Variants in DPP10 observed in about 807,000 individuals in gnomAD.
The protein encoded by DPP10 is dipeptidyl peptidase like 10, also known as inactive dipeptidyl peptidase 10.
A neutral mutation model predicts 120.9 loss-of-function variants in DPP10; 33 were observed. That is an observed-to-expected ratio of 0.27 (90% CI 0.21 to 0.37). The LOEUF (loss-of-function observed/expected upper bound fraction) is 0.37. DPP10 is among the 10% of genes least tolerant of loss of function. The pLI is 1.00. For synonymous variants in DPP10, 337 were observed against 326.1 expected (o/e 1.03, Z -0.36); for missense variants, 816 against 942.8 (o/e 0.87, Z 1.76).
chr2:115,461,181 C>CA (rs2073963895), intron 3 of DPP10, among the ~76,000 whole-genome samples: 2 of 151,372 alleles, frequency 1.3e-5, no homozygotes, highest in African/African-American at 2.4e-5. Context: ...TCAAAATAGT[C>CA]AGTCTTAAAT....
At chr2:115,100,091 C>T (rs1348089283) in intron 1 of DPP10, among the ~76,000 whole-genome samples, 4 of 152,110 alleles carry the variant, frequency 2.6e-5, no homozygotes, top group South Asian at 2.1e-4. Flanking sequence ...ATACAATGAA[C>T]GTGCCACCAA....
At chr2:115,730,447 A>T (rs2092877384) in intron 8 of DPP10, among the ~76,000 whole-genome samples, 1 of 152,150 alleles carries the variant, frequency 6.6e-6, no homozygotes, top group Non-Finnish European at 1.5e-5. Flanking sequence ...ATTAGCAGCA[A>T]TGCGGGCATT....
chr2:115,403,502 C>A (rs75249190), intron 3 of DPP10, among the ~76,000 whole-genome samples: 13,523 of 149,650 alleles, frequency 0.09, 708 homozygotes, highest in Non-Finnish European at 0.11. Context: ...CAGGTTCCAG[C>A]GATTCTCCTG....
intron 17 of DPP10, 78 bp from the exon 18 acceptor site, chr2:115,791,003 A>T: frequency 1.0e-6 from 1 of 991,102 alleles, no homozygotes; most frequent in East Asian, 2.5e-5. Flanking sequence ...TAACAAGTGG[A>T]TAATTTTTTG....
intron 1 of DPP10, among the ~76,000 whole-genome samples, chr2:114,865,152 G>T (rs1400284814): frequency 6.6e-6 from 1 of 152,180 alleles, no homozygotes; most frequent in Non-Finnish European, 1.5e-5. Context: ...ATTATAAATT[G>T]TATTTTCATA....
At chr2:115,270,066 TCACACACACACACA>T (rs57649162) in intron 1 of DPP10, among the ~76,000 whole-genome samples, 5,088 of 130,708 alleles carry the variant, frequency 0.039, 182 homozygotes, top group East Asian at 0.19. Context: ...TAGGTATACT[TCACACACACACACA>T]CACACACACA....
intron 5 of DPP10, among the ~76,000 whole-genome samples, chr2:115,587,544 T>C (rs2082374097): frequency 6.6e-6 from 1 of 152,314 alleles, no homozygotes; most frequent in African/African-American, 2.4e-5. Context: ...CAAAATAAAA[T>C]CGGTATCTTG....
chr2:114,715,716 T>G (rs10211349), intron 1 of DPP10, among the ~76,000 whole-genome samples: 7 of 151,958 alleles, frequency 4.6e-5, no homozygotes, highest in Admixed American at 3.9e-4. Context: ...ACAAAAAAGC[T>G]GGGTACACAG....
chr2:115,446,606 C>T (rs2072614984), intron 3 of DPP10, among the ~76,000 whole-genome samples: 1 of 152,122 alleles, frequency 6.6e-6, no homozygotes. Flanking sequence ...CGGAATGTTT[C>T]TGTGTCTCTT....
chr2:115,707,954 AG>A (rs1219398010), intron 7 of DPP10, among the ~76,000 whole-genome samples: 8 of 151,972 alleles, frequency 5.3e-5, no homozygotes, highest in African/African-American at 1.9e-4. Context: ...AAAGCACATC[AG>A]GAACTTCCAA....
At chr2:115,407,129 G>A (rs766655005) in intron 3 of DPP10, among the ~76,000 whole-genome samples, 3 of 152,090 alleles carry the variant, frequency 2.0e-5, no homozygotes, top group Non-Finnish European at 4.4e-5. Context: ...AGGCTCCTTC[G>A]CCCTGGAAAC....
chr2:115,712,546 A>ATATATATATATATATATATATATATGTG (rs1559062149), intron 7 of DPP10, among the ~76,000 whole-genome samples: 1 of 83,846 alleles, frequency 1.2e-5, no homozygotes, highest in African/African-American at 5.9e-5. Flanking sequence ...TGAATTAAAT[A>ATATATATATATATATATATATATATGTG]TATATATATA....
At chr2:115,644,429 T>TG (rs1240431749) in intron 5 of DPP10, among the ~76,000 whole-genome samples, 1 of 152,078 alleles carries the variant, frequency 6.6e-6, no homozygotes, top group East Asian at 1.9e-4. Context: ...TTTTTGTCCT[T>TG]GCGATAGTTT....
intron 5 of DPP10, among the ~76,000 whole-genome samples, chr2:115,683,577 G>A (rs1236290945): frequency 6.6e-6 from 1 of 151,952 alleles, no homozygotes; most frequent in East Asian, 1.9e-4. Flanking sequence ...ATAGTGGAGA[G>A]GCTGTGTGTG....
chr2:115,556,965 C>G (rs1411339466), intron 5 of DPP10, among the ~76,000 whole-genome samples: 1 of 152,110 alleles, frequency 6.6e-6, no homozygotes, highest in Non-Finnish European at 1.5e-5. Flanking sequence ...AGTCACGGAA[C>G]AGTACAAAAC....
intron 1 of DPP10, among the ~76,000 whole-genome samples, chr2:114,952,382 T>C (rs1697860292): frequency 6.6e-6 from 1 of 152,196 alleles, no homozygotes; most frequent in African/African-American, 2.4e-5. Flanking sequence ...CATTCCTATA[T>C]TGTTTCTCTG....
chr2:114,761,235 T>TA lies in DPP10; in HGVS notation c.60+318405dup, dbSNP rs1226019100. On this transcript the variant is annotated intron_variant, in intron 1 of 25. Coordinates refer to ENST00000410059, the MANE Select transcript of DPP10 (RefSeq NM_020868.6). Reference sequence around the variant, plus strand: ...GCATTTAAATAGCAAGAAAAGCAAATAAAAAAAAGATGGCGTACTTTCAGT... The same window carrying TA: ...GCATTTAAATAGCAAGAAAAGCAAATAAAAAAAAAGATGGCGTACTTTCAGT... 6.6e-5 allele frequency among the ~76,000 whole-genome samples: 10 copies of TA among 151,930 alleles called. No homozygotes were observed. The South Asian group carries it at 1.9e-3, about 28-fold the overall frequency.
intron 3 of DPP10, among the ~76,000 whole-genome samples, chr2:115,383,316 T>G (rs2066568009): frequency 6.6e-6 from 1 of 151,758 alleles, no homozygotes; most frequent in Admixed American, 6.6e-5. Context: ...TACAGGGGAG[T>G]TTCCCTGCAC....
intron 3 of DPP10, among the ~76,000 whole-genome samples, chr2:115,460,942 A>G (rs1006922659): frequency 7.2e-5 from 11 of 152,208 alleles, no homozygotes; most frequent in Non-Finnish European, 1.5e-4. Flanking sequence ...GAGTCAGAGA[A>G]GTGACAATTT....
Sources: gnomAD v4.1 joint callset for allele counts (sites outside exome capture counted in the v4.1 genomes callset) on GRCh38, gnomAD v4.1.1 for gene constraint, MANE v1.5 for transcripts, NCBI Gene and HGNC (gene_info 2026-07-23, HGNC 2026-07-21) for gene names.